Variants in ATRX observed in about 807,000 individuals in gnomAD.
ATRX encodes the protein ATRX chromatin remodeler.
Under a neutral mutation model 172.6 loss-of-function variants are expected in ATRX, and 12 were observed. That is an observed-to-expected ratio of 0.07 (90% CI 0.04 to 0.11). The LOEUF (loss-of-function observed/expected upper bound fraction) is 0.11, where lower values mean the gene tolerates loss of function less well. Among genes scored for constraint, ATRX ranks in the 10% least tolerant of loss-of-function variants. The pLI, the probability that ATRX is intolerant of heterozygous loss-of-function variation, is 1.00. For missense variants in ATRX, 1,368 were observed against 1,767.4 expected (o/e 0.77, Z 4.05); for synonymous variants, 674 against 594.7 (o/e 1.13, Z -1.94).
At chrX:77,692,660 T>G (rs1416664672) in intron 6 of ATRX, among the ~76,000 whole-genome samples, 1 of 111,607 alleles carries the variant, frequency 9.0e-6, no homozygotes, top group East Asian at 2.8e-4. Flanking sequence ...AAATTTAGTG[T>G]CATGTTCTAT....
chrX:77,526,431 T>G (rs1057491497), intron 30 of ATRX, among the ~76,000 whole-genome samples: 25 of 111,145 alleles, frequency 2.2e-4, no homozygotes, highest in Non-Finnish European at 4.5e-4. Flanking sequence ...GCCTCCTGAG[T>G]AGCTGGAACT....
chrX:77,570,342 G>C (rs1254760774), intron 28 of ATRX, among the ~76,000 whole-genome samples: 4 of 108,440 alleles, frequency 3.7e-5, no homozygotes, highest in Non-Finnish European at 7.7e-5. Context: ...CCATGCCTGG[G>C]TATTTTTTTT....
chrX:77,575,160 C>T (rs1409319722), intron 27 of ATRX, among the ~76,000 whole-genome samples: 41 of 110,214 alleles, frequency 3.7e-4, no homozygotes, highest in African/African-American at 1.3e-3. Flanking sequence ...TTCTATCATG[C>T]CCCAGAGCCT....
In ATRX at chrX:77,777,380, CAACAA is replaced by C. The variant is rs199850537; in HGVS notation, c.20+8597_20+8601del. 1.5e-3 allele frequency among the ~76,000 whole-genome samples: 164 copies of C among 106,563 alleles called. 3 individuals carry two copies. The highest frequency in any genetic ancestry group is 3.0e-3 in the Non-Finnish European group (153 of 51,714). 92.5% of individuals were successfully genotyped at this position (106,563 alleles called of 115,157 possible). Reference sequence around the variant, plus strand: ...TGGGCGACAGAGCAAGACTCCGTCTCAACAAAACAAAACAAAACAAAACAAAGATC... The same window carrying C: ...TGGGCGACAGAGCAAGACTCCGTCTCAACAAAACAAAACAAAACAAAGATC... On this transcript the variant is annotated intron_variant, in intron 1 of 34. Transcript: ENST00000373344.
chrX:77,606,571 A>T (rs1478767421), intron 22 of ATRX, among the ~76,000 whole-genome samples: 1 of 111,474 alleles, frequency 9.0e-6, no homozygotes, highest in Non-Finnish European at 1.9e-5. Flanking sequence ...CAACACATTA[A>T]AAAGGTCATT....
chrX:77,730,324 G>A (rs2074243806), intron 1 of ATRX, among the ~76,000 whole-genome samples: 2 of 112,140 alleles, frequency 1.8e-5, no homozygotes, highest in African/African-American at 3.2e-5. Flanking sequence ...CAACACTGGA[G>A]CACTCACATA....
At chrX:77,759,107 T>C (rs2075621284) in intron 1 of ATRX, among the ~76,000 whole-genome samples, 1 of 111,756 alleles carries the variant, frequency 8.9e-6, no homozygotes, top group South Asian at 3.7e-4. Flanking sequence ...CTGAGAAAAA[T>C]AAGCTGACAT....
At chrX:77,608,264 G>C (rs1276986903) in intron 22 of ATRX, among the ~76,000 whole-genome samples, 2 of 107,776 alleles carry the variant, frequency 1.9e-5, no homozygotes, top group Non-Finnish European at 3.8e-5. Context: ...AGCTACTTGG[G>C]AGGCTGAGGC....
At chrX:77,558,604 A>G in intron 29 of ATRX, 65 bp downstream of exon 29, 2 of 990,657 alleles carry the variant, frequency 2.0e-6, no homozygotes, top group Non-Finnish European at 2.8e-6. Flanking sequence ...CATATGTTCC[A>G]TATCTCTAAA....
rs1409110515 is a variant in ATRX at position 77,653,966 on chromosome X, T to C, written c.4317+132A>G. 2.0e-5 allele frequency: 10 copies of C among 495,048 alleles called. No individual in the cohort carries two copies. In the Admixed American group the frequency reaches 3.4e-4, roughly 17 times the overall value. 40.8% of individuals were successfully genotyped at this position (495,048 alleles called of 1,213,427 possible). A position where few individuals can be genotyped will look rare whatever the true frequency, so the allele number is the denominator to read the frequency against. On this transcript the variant is annotated intron_variant, in intron 14 of 34. Coordinates refer to ENST00000373344, the MANE Select transcript of ATRX (RefSeq NM_000489.6). ...TTACATATATATATTCAATAACCAATCCTTCCACAAGTGTAAAATGTAAAT... is the reference window on the plus strand; with the variant it reads ...TTACATATATATATTCAATAACCAACCCTTCCACAAGTGTAAAATGTAAAT...
At chrX:77,758,346 C>T (rs1475732409) in intron 1 of ATRX, among the ~76,000 whole-genome samples, 2 of 107,692 alleles carry the variant, frequency 1.9e-5, no homozygotes, top group South Asian at 4.1e-4. Context: ...GCCAAGATGA[C>T]GCCATTGCAC....
chrX:77,774,608 C>G (rs1557201301), intron 1 of ATRX, among the ~76,000 whole-genome samples: 7 of 108,972 alleles, frequency 6.4e-5, no homozygotes, highest in Non-Finnish European at 1.9e-5. Context: ...ACCCAGCAGG[C>G]GGAGCTTGCA....
intron 33 of ATRX, 137 bp from the exon 34 acceptor site, chrX:77,521,053 T>C (rs2063214100): frequency 4.7e-6 from 3 of 641,911 alleles, no homozygotes; most frequent in African/African-American, 2.2e-5. Flanking sequence ...AAAAACATGA[T>C]GCAAAACAGG....
At chrX:77,544,242 T>C (rs1465183600) in intron 30 of ATRX, among the ~76,000 whole-genome samples, 1 of 111,131 alleles carries the variant, frequency 9.0e-6, no homozygotes, top group Non-Finnish European at 1.9e-5. Context: ...TTTGAATATG[T>C]TCACAATGGG....
intron 30 of ATRX, among the ~76,000 whole-genome samples, chrX:77,535,502 G>C (rs781871498): frequency 8.9e-6 from 1 of 111,857 alleles, no homozygotes; most frequent in South Asian, 3.7e-4. Context: ...CTGTGAGGTA[G>C]AAAGTCATCA....
chrX:77,762,304 CAA>C (rs782237740), intron 1 of ATRX, among the ~76,000 whole-genome samples: 1 of 23,407 alleles, frequency 4.3e-5, no homozygotes. Flanking sequence ...GACTCTGTCT[CAA>C]AAAAAAAAAA....
At chrX:77,733,775 T>C (rs574899678) in intron 1 of ATRX, among the ~76,000 whole-genome samples, 2 of 104,869 alleles carry the variant, frequency 1.9e-5, no homozygotes, top group African/African-American at 7.0e-5. Context: ...TCCCAGCTAC[T>C]TGGAAGGCTG....
intron 28 of ATRX, among the ~76,000 whole-genome samples, chrX:77,565,373 T>G (rs1367152952): frequency 9.0e-6 from 1 of 111,363 alleles, no homozygotes; most frequent in East Asian, 2.8e-4. Context: ...ACCAGAAAAA[T>G]CTCAAGTTCA....
intron 34 of ATRX, among the ~76,000 whole-genome samples, chrX:77,510,639 T>C (rs2062837971): frequency 9.0e-6 from 1 of 111,634 alleles, no homozygotes; most frequent in Non-Finnish European, 1.9e-5. Context: ...TGAGTGAACA[T>C]CAGCAGTAGC....
Sources: allele counts gnomAD v4.1 joint callset (sites outside exome capture counted in the v4.1 genomes callset), GRCh38; gene constraint gnomAD v4.1.1; transcripts MANE v1.5; gene names NCBI Gene and HGNC (gene_info 2026-07-23, HGNC 2026-07-21).